Variants in ZNF143 observed in about 807,000 individuals in gnomAD.
ZNF143 encodes the protein zinc finger protein 143.
ZNF143 carries 49 observed loss-of-function variants against 74.1 expected under a neutral mutation model. The ratio of observed to expected loss-of-function variants is 0.66; its 90% confidence interval spans 0.53 to 0.84. The LOEUF (loss-of-function observed/expected upper bound fraction) is 0.84, where lower values mean the gene tolerates loss of function less well. Among genes scored for constraint, ZNF143 ranks in the 40% least tolerant of loss-of-function variants. The pLI, the probability that ZNF143 is intolerant of heterozygous loss-of-function variation, is 0.00. For missense variants in ZNF143, 637 were observed against 793.4 expected (o/e 0.80, Z 2.37); for synonymous variants, 304 against 282.8 (o/e 1.07, Z -0.75).
chr11:9,494,967 T>A (rs1179945237), intron 8 of ZNF143, among the ~76,000 whole-genome samples: 1 of 152,238 alleles, frequency 6.6e-6, no homozygotes, highest in African/African-American at 2.4e-5. Context: ...GGACTGTGTT[T>A]TTTTCATCTC....
intron 11 of ZNF143, among the ~76,000 whole-genome samples, chr11:9,502,216 G>A (rs1490409865): frequency 3.6e-5 from 5 of 138,540 alleles, no homozygotes; most frequent in African/African-American, 1.3e-4. Context: ...GAATCCAGGT[G>A]TGAGCCACCG....
chr11:9,511,102 C>CTTTTTT lies in ZNF143; in HGVS notation c.1376-1326_1376-1321dup, dbSNP rs777285359. ...TAGTCTTAACCACTTTTAACAGCTT[C>CTTTTTT]TTTTTTTTTTTTTTTTTTTTTTTTT... On this transcript the variant is annotated intron_variant, in intron 12 of 15. Transcript: ENST00000396602. Among the ~76,000 whole-genome samples, 128 of 70,776 alleles carry CTTTTTT rather than the reference C, an allele frequency of 1.8e-3. 1 individual carries two copies. The highest frequency in any genetic ancestry group is 0.011 in the Middle Eastern group (1 of 88). The allele number at this position is 70,776 out of a possible 152,430, so 46.4% of individuals were successfully genotyped here. A position where few individuals can be genotyped will look rare whatever the true frequency, so the allele number is the denominator to read the frequency against.
chr11:9,522,282 C>G (rs1017021104), intron 14 of ZNF143, among the ~76,000 whole-genome samples: 2 of 151,994 alleles, frequency 1.3e-5, no homozygotes, highest in Admixed American at 6.6e-5. Context: ...GGCAAGTGTT[C>G]CCGAGTAGCT....
At chr11:9,485,734 C>G (rs1847447635) in intron 7 of ZNF143, among the ~76,000 whole-genome samples, 1 of 151,506 alleles carries the variant, frequency 6.6e-6, no homozygotes, top group Admixed American at 6.6e-5. Flanking sequence ...TGTTTCCTTT[C>G]TTCAAAGAGA....
intron 1 of ZNF143, among the ~76,000 whole-genome samples, chr11:9,470,638 G>A (rs1325372101): frequency 5.3e-5 from 8 of 152,140 alleles, no homozygotes. Context: ...TGAATGAGAT[G>A]GTGAGTAGTA....
At position 9,485,066 on chromosome 11, in the gene ZNF143, G is replaced by C. The variant is rs556165108; in HGVS notation, c.645+5520G>C. Among the ~76,000 whole-genome samples the C allele has an allele frequency of 1.1e-3, 160 of 150,624 alleles. 1 individual carries two copies. Among genetic ancestry groups the C allele is most frequent in the Middle Eastern group, 3.4e-3 (1 of 294 alleles). On this transcript the variant is annotated intron_variant, in intron 7 of 15. Coordinates refer to ENST00000396602, the MANE Select transcript of ZNF143 (RefSeq NM_003442.6). Reference sequence around the variant, plus strand: ...CCTGCCTCGGCCTTCCAAAGTGCTAGGATTACAGGCGTGACCCACCGCGCC... The same window carrying C: ...CCTGCCTCGGCCTTCCAAAGTGCTACGATTACAGGCGTGACCCACCGCGCC...
At chr11:9,472,790 T>C in intron 3 of ZNF143, 21 bp downstream of exon 3, 1 of 1,524,012 alleles carries the variant, frequency 6.6e-7, no homozygotes, top group African/African-American at 1.4e-5. Context: ...CACATATGGC[T>C]GATTGGTTAA....
intron 14 of ZNF143, 142 bp from the exon 15 acceptor site, chr11:9,525,098 T>C (rs1849077368): frequency 1.0e-6 from 1 of 974,124 alleles, no homozygotes. Flanking sequence ...AAACCTCCTT[T>C]CAATATAGGC....
Position 9,501,112 on chromosome 11 carries a change from C to T in ZNF143, c.989C>T (p.Pro330Leu). The T allele has an allele frequency of 6.2e-7, 1 of 1,614,042 alleles. No individual in the cohort carries two copies. Among genetic ancestry groups the T allele is most frequent in the Non-Finnish European group, 8.5e-7 (1 of 1,179,994 alleles). ...GCAGGAGAAAGGCCCTTTAAGTGTC[C>T]CTTCGAAGGCTGCGGTCGGTCCTTT... ...THTGERPFKC[P>L]FEGCGRSFTT... The change falls in exon 11 of 16, where the codon CCC (proline) becomes CTC (leucine). Residue 330 changes from proline (P) to leucine (L), a missense_variant. Around this residue, in one of 2 missense-constraint regions of ZNF143, gnomAD observed 344 missense variants for 485.6 expected, o/e 0.71. Transcript: ENST00000396602.
chr11:9,482,640 AC>A (rs1847292054), intron 7 of ZNF143, among the ~76,000 whole-genome samples: 1 of 141,372 alleles, frequency 7.1e-6, no homozygotes, highest in African/African-American at 2.8e-5. Context: ...CAAATAGAAG[AC>A]TACTGAATGG....
Position 9,527,679 on chromosome 11 carries a change from A to C in ZNF143, c.*66A>C, listed in dbSNP as rs982622171. ...ATCTTCTGGCAGCAGAAATCCATGA[A>C]GCCCGGGCCCAGGAAAATTAGAAGT... On this transcript the variant is annotated 3_prime_UTR_variant, in exon 16 of 16. Transcript: ENST00000396602. 1.4e-6 allele frequency: 2 copies of C among 1,480,892 alleles called. No homozygotes were observed. Among genetic ancestry groups the C allele is most frequent in the Admixed American group, 3.6e-5 (2 of 55,974 alleles). 91.7% of individuals were successfully genotyped at this position (1,480,892 alleles called of 1,614,324 possible).
chr11:9,487,038 C>G (rs1411508435), intron 7 of ZNF143, among the ~76,000 whole-genome samples: 1 of 143,438 alleles, frequency 7.0e-6, no homozygotes, highest in African/African-American at 2.7e-5. Flanking sequence ...GTGATCTTGG[C>G]TCACTGCTAC....
rs3763875 is a variant in ZNF143, at chr11:9,525,034, T to C, written c.1687-206T>C. On this transcript the variant is annotated intron_variant, in intron 14 of 15. Coordinates refer to ENST00000396602, the MANE Select transcript of ZNF143 (RefSeq NM_003442.6). ...ATTTCTCCAGTGTTCTCTACCCTAT[T>C]TTGCCGTTGGCTCACTTCATAACCT... is the stretch of plus-strand genomic sequence containing the variant. Among the ~76,000 whole-genome samples the C allele has an allele frequency of 0.19, 29,019 of 152,066 alleles. 3,203 individuals carry two copies. Among genetic ancestry groups the C allele is most frequent in the East Asian group, 0.46 (2,363 of 5,164 alleles).
chr11:9,503,951 C>CT (rs35371465), intron 11 of ZNF143, among the ~76,000 whole-genome samples: 2,278 of 53,108 alleles, frequency 0.043, 553 homozygotes, highest in Non-Finnish European at 0.053. Flanking sequence ...CACGCCTTGC[C>CT]TTTTTTTTTT....
chr11:9,474,523 G>A, intron 4 of ZNF143, 27 bp from the exon 5 acceptor site: 1 of 1,612,382 alleles, frequency 6.2e-7, no homozygotes, highest in Non-Finnish European at 8.5e-7. Context: ...GAAAACATGA[G>A]ATCTAAATGT....
chr11:9,512,653 AG>A (rs899222433), intron 13 of ZNF143, 57 bp downstream of exon 13: 6 of 1,604,028 alleles, frequency 3.7e-6, no homozygotes, highest in Middle Eastern at 1.7e-4. Flanking sequence ...TGGGCTTGAA[AG>A]GCAGGCTGGG....
At position 9,477,113 on chromosome 11, in the gene ZNF143, CCCTTCCTTCCTTCCTTCCTTCCTT is replaced by C. The variant is rs370473998; in HGVS notation, c.374-1241_374-1218del. Among the ~76,000 whole-genome samples, 9 of 70,500 alleles carry C rather than the reference CCCTTCCTTCCTTCCTTCCTTCCTT, an allele frequency of 1.3e-4. No homozygotes were observed. The South Asian group carries it at 1.7e-3, about 13-fold the overall frequency. 46.3% of individuals were successfully genotyped at this position (70,500 alleles called of 152,430 possible). ...AGTTGGAAAAAAGTAAAGTCTGCAC[CCCTTCCTTCCTTCCTTCCTTCCTT>C]CCTTCCTTCCTTCCTTCCTTCCTTC... On this transcript the variant is annotated intron_variant, in intron 5 of 15. Coordinates refer to ENST00000396602, the MANE Select transcript of ZNF143 (RefSeq NM_003442.6).
At chr11:9,511,523 C>G (rs1452190310) in intron 12 of ZNF143, among the ~76,000 whole-genome samples, 1 of 150,550 alleles carries the variant, frequency 6.6e-6, no homozygotes, top group Admixed American at 6.6e-5. Context: ...AGGATGGTCT[C>G]GATCTCCTGA....
At chr11:9,517,685 T>C (rs1054968200) in intron 14 of ZNF143, among the ~76,000 whole-genome samples, 9 of 152,366 alleles carry the variant, frequency 5.9e-5, no homozygotes, top group Admixed American at 4.6e-4. Context: ...TAAAAACTGT[T>C]CTTGTACTGT....
Sources: allele counts gnomAD v4.1 joint callset (sites outside exome capture counted in the v4.1 genomes callset), GRCh38; gene constraint gnomAD v4.1.1; regional missense constraint gnomAD v4.1.1; transcripts MANE v1.5; gene names NCBI Gene and HGNC (gene_info 2026-07-23, HGNC 2026-07-21).